Variants in TBC1D13 observed in about 807,000 individuals in gnomAD.
TBC1D13 encodes TBC1 domain family member 13.
Under a neutral mutation model 53.6 loss-of-function variants are expected in TBC1D13, and 40 were observed. That is an observed-to-expected ratio of 0.75 (90% CI 0.58 to 0.97). TBC1D13 has a LOEUF of 0.97. Ranked by LOEUF, TBC1D13 falls within the 50% of genes least tolerant of loss-of-function variation. The pLI is 0.00. For synonymous variants in TBC1D13, 182 were observed against 197.7 expected, an observed-to-expected ratio of 0.92 and a Z score of 0.67; for missense variants, 377 against 499.4, an observed-to-expected ratio of 0.75 and a Z score of 2.34.
chr9:128,789,099 A>G (rs1244377016), intron 2 of TBC1D13, among the ~76,000 whole-genome samples: 1 of 152,130 alleles, frequency 6.6e-6, no homozygotes, highest in African/African-American at 2.4e-5. Flanking sequence ...AGGCAGGTGG[A>G]TCACCTGAGG....
intron 7 of TBC1D13, among the ~76,000 whole-genome samples, chr9:128,798,257 AAAAAG>A (rs1388963428): frequency 2.0e-5 from 3 of 152,244 alleles, no homozygotes; most frequent in East Asian, 1.9e-4. Context: ...TGTCAAAAAA[AAAAAG>A]AAAAGAAGAG....
Position 128,806,004 on chromosome 9 carries a change from G to T in TBC1D13, c.1064G>T (p.Cys355Phe). 1 of 1,614,048 alleles carries T rather than the reference G, an allele frequency of 6.2e-7. No individual in the cohort carries two copies. The highest frequency in any genetic ancestry group is 8.5e-7 in the Non-Finnish European group (1 of 1,179,998). ...CGCTTTGACTTCCTCCTCCTCGTCTGCTGCGCCATGCTCATGTGAGTGCGG... is the reference window on the plus strand; with the variant it reads ...CGCTTTGACTTCCTCCTCCTCGTCTTCTGCGCCATGCTCATGTGAGTGCGG... ...DNRFDFLLLV[C>F]CAMLMLIREQ... The change falls in exon 10 of 12, where the codon TGC (cysteine) becomes TTC (phenylalanine). Residue 355 changes from cysteine (C) to phenylalanine (F), a missense_variant. Physicochemically the swap from Cys to Phe is radical, Grantham distance 205. Coordinates refer to ENST00000372648, the MANE Select transcript of TBC1D13 (RefSeq NM_018201.5).
chr9:128,806,361 G>T (rs746276791), intron 11 of TBC1D13, 50 bp downstream of exon 11: 2 of 1,607,946 alleles, frequency 1.2e-6, no homozygotes, highest in Admixed American at 1.7e-5. Flanking sequence ...GCTGGCACTC[G>T]CCAGGCACCT....
intron 6 of TBC1D13, among the ~76,000 whole-genome samples, chr9:128,794,160 G>A (rs920307419): frequency 1.4e-4 from 22 of 152,226 alleles, no homozygotes; most frequent in Non-Finnish European, 4.4e-5. Context: ...CTGCTGGGCT[G>A]AGGCACAGCA....
intron 7 of TBC1D13, among the ~76,000 whole-genome samples, chr9:128,799,910 A>G (rs1416971058): frequency 2.6e-5 from 4 of 152,090 alleles, no homozygotes; most frequent in Non-Finnish European, 5.9e-5. Flanking sequence ...AGTCCCAGCT[A>G]CTCGGGAGGC....
At chr9:128,788,506 TG>T in intron 2 of TBC1D13, 99 bp downstream of exon 2, 3 of 1,035,176 alleles carry the variant, frequency 2.9e-6, no homozygotes, top group South Asian at 2.7e-5. Flanking sequence ...GCCCAGCTGC[TG>T]GGGGCTGGGG....
Position 128,791,612 on chromosome 9 carries a change from C to G in TBC1D13, c.219C>G (p.Phe73Leu). Residue 73 changes from phenylalanine (F) to leucine (L), a missense_variant, in exon 5 of 12, where the codon TTC becomes TTG. Transcript: ENST00000372648. The stretch of plus-strand genomic sequence containing the variant: ...CCTGCAGGGAGCTGTATGCCCAGTT[C>G]CTGAGGGAAATGATCATCCAGCCTG... ...LAKQRELYAQ[F>L]LREMIIQPGI... 1 of 1,614,194 alleles carries G rather than the reference C, an allele frequency of 6.2e-7. No homozygotes were observed. Among genetic ancestry groups the G allele is most frequent in the Non-Finnish European group, 8.5e-7 (1 of 1,180,042 alleles).
intron 9 of TBC1D13, among the ~76,000 whole-genome samples, chr9:128,805,330 C>G (rs989356577): frequency 6.6e-6 from 1 of 151,212 alleles, no homozygotes; most frequent in Non-Finnish European, 1.5e-5. Context: ...GACCTCATCT[C>G]TAAAAAAAAA....
Position 128,791,614 on chromosome 9 carries a change from T to C in TBC1D13, c.221T>C (p.Leu74Pro). Residue 74 changes from leucine (L) to proline (P), a missense_variant, in exon 5 of 12, where the codon CTG becomes CCG. Leu to Pro is a moderately conservative substitution (Grantham distance 98, BLOSUM62 -3). Transcript: ENST00000372648. Reference sequence around the variant, plus strand: ...TGCAGGGAGCTGTATGCCCAGTTCCTGAGGGAAATGATCATCCAGCCTGGC... The same window carrying C: ...TGCAGGGAGCTGTATGCCCAGTTCCCGAGGGAAATGATCATCCAGCCTGGC... ...AKQRELYAQF[L>P]REMIIQPGIA... 6.2e-7 allele frequency: 1 copy of C among 1,614,222 alleles called. No individual in the cohort carries two copies. The highest frequency in any genetic ancestry group is 8.5e-7 in the Non-Finnish European group (1 of 1,180,026).
intron 7 of TBC1D13, among the ~76,000 whole-genome samples, chr9:128,798,831 G>A (rs6478851): frequency 0.37 from 57,030 of 152,120 alleles, 14,530 homozygotes; most frequent in African/African-American, 0.73. Context: ...TACTGCTGCA[G>A]AAGTTTTTCT....
Position 128,792,509 on chromosome 9 carries a change from T to A in TBC1D13, c.318T>A (p.Pro106=). 1 of 1,614,040 alleles carries A rather than the reference T, an allele frequency of 6.2e-7. No homozygotes were observed. Residue 106 remains proline, a synonymous_variant, in exon 6 of 12, where the codon CCT becomes CCA. Transcript: ENST00000372648. The part of the protein sequence containing the change: ...TFEDHPLNPN[P]DSRWNTYFKD... The stretch of plus-strand genomic sequence containing the variant: ...CCCCACAGCCACTCAACCCCAACCC[T>A]GACAGCCGGTGGAACACGTACTTCA...
At chr9:128,798,517 C>T (rs187660270) in intron 7 of TBC1D13, among the ~76,000 whole-genome samples, 8 of 152,228 alleles carry the variant, frequency 5.3e-5, no homozygotes, top group East Asian at 3.9e-4. Flanking sequence ...TGTGGAGATA[C>T]AGGAGTGGCG....
chr9:128,791,314 C>A, intron 3 of TBC1D13, 66 bp from the exon 4 acceptor site: 1 of 1,450,306 alleles, frequency 6.9e-7, no homozygotes, highest in Non-Finnish European at 9.7e-7. Flanking sequence ...GGCCTGTCAT[C>A]CCCGCCTAAA....
At chr9:128,789,099 A>T (rs1244377016) in intron 2 of TBC1D13, among the ~76,000 whole-genome samples, 1 of 152,130 alleles carries the variant, frequency 6.6e-6, no homozygotes, top group Non-Finnish European at 1.5e-5. Context: ...AGGCAGGTGG[A>T]TCACCTGAGG....
At chr9:128,789,363 CT>C (rs1231286895) in intron 2 of TBC1D13, among the ~76,000 whole-genome samples, 1 of 148,042 alleles carries the variant, frequency 6.8e-6, no homozygotes, top group Non-Finnish European at 1.5e-5. Context: ...CCCTGTCATC[CT>C]CATATAGATT....
In TBC1D13 at chr9:128,794,497, A is replaced by G. The variant is rs532147340; in HGVS notation, c.383+1923A>G. Among the ~76,000 whole-genome samples, 3 of 151,230 alleles carry G rather than the reference A, an allele frequency of 2.0e-5. No individual in the cohort carries two copies. In the East Asian group the frequency reaches 5.8e-4, roughly 29 times the overall value. ...GTTTTTGTTTTTGTTTTTTTTTGAG[A>G]CAGAGGCTCCCTCTGTCACCCAGGC... is the stretch of plus-strand genomic sequence containing the variant. On this transcript the variant is annotated intron_variant, in intron 6 of 11. Coordinates refer to ENST00000372648, the MANE Select transcript of TBC1D13 (RefSeq NM_018201.5).
At chr9:128,795,304 C>T (rs116557982) in intron 6 of TBC1D13, among the ~76,000 whole-genome samples, 5,627 of 150,726 alleles carry the variant, frequency 0.037, 198 homozygotes, top group Middle Eastern at 0.075. Context: ...CTGCAACCTC[C>T]GGGTTCCAGT....
rs561306320 is a variant in TBC1D13 at position 128,807,097 on chromosome 9, T to G, written c.1138-717T>G. On this transcript the variant is annotated intron_variant, in intron 11 of 11. Coordinates refer to ENST00000372648, the MANE Select transcript of TBC1D13 (RefSeq NM_018201.5). ...TTAGTGTTGCTTTGTTGTTGTTTTT[T>G]TTTTTTTGAGACAGAGTCTCGCTCT... Among the ~76,000 whole-genome samples, 450 of 151,110 alleles carry G rather than the reference T, an allele frequency of 3.0e-3. 3 individuals are homozygous for G. Among genetic ancestry groups the G allele is most frequent in the African/African-American group, 0.01 (430 of 41,080 alleles).
chr9:128,790,763 C>T lies in TBC1D13; in HGVS notation c.126C>T (p.Cys42=). Reference sequence around the variant, plus strand: ...TCCCCTGTGAGGGCGGACTGCGGTGCCTCTGCTGGAAGGTGGGTGTGCCTG... The same window carrying T: ...TCCCCTGTGAGGGCGGACTGCGGTGTCTCTGCTGGAAGGTGGGTGTGCCTG... ...SGIPCEGGLR[C]LCWKILLNYL... The change falls in exon 3 of 12, where the codon TGC becomes TGT. Residue 42 remains cysteine (C), a synonymous_variant. Coordinates refer to ENST00000372648, the MANE Select transcript of TBC1D13 (RefSeq NM_018201.5). 6.4e-7 allele frequency: 1 copy of T among 1,554,682 alleles called. No individual in the cohort carries two copies. The highest frequency in any genetic ancestry group is 2.5e-5 in the East Asian group (1 of 40,372).
Sources: allele counts gnomAD v4.1 joint callset (sites outside exome capture counted in the v4.1 genomes callset), GRCh38; gene constraint gnomAD v4.1.1; transcripts MANE v1.5; gene names NCBI Gene and HGNC (gene_info 2026-07-23, HGNC 2026-07-21).